FGF7: variants seen among roughly 807,000 people sequenced by gnomAD.
FGF7 encodes FGF-7.
In FGF7, 6 loss-of-function variants were observed where a neutral mutation model predicts 20.5. The ratio of observed to expected loss-of-function variants is 0.29; its 90% CI spans 0.16 to 0.58. The LOEUF (loss-of-function observed/expected upper bound fraction) is 0.58. Ranked by LOEUF, FGF7 falls within the 20% of genes least tolerant of loss-of-function variation. FGF7 has a pLI of 0.90. For synonymous variants in FGF7, 64 were observed against 74.7 expected, an observed-to-expected ratio of 0.86 and a Z score of 0.74; for missense variants, 144 against 228.8, an observed-to-expected ratio of 0.63 and a Z score of 2.39.
intron 2 of FGF7, among the ~76,000 whole-genome samples, chr15:49,435,542 T>G (rs574398603): frequency 6.6e-6 from 1 of 151,568 alleles, no homozygotes; most frequent in Non-Finnish European, 1.5e-5. Context: ...TCCCTTCTTG[T>G]ATAAATAATG....
chr15:49,483,039 T>C lies in FGF7; in HGVS notation c.287-112T>C, dbSNP rs1257392477. On this transcript the variant is annotated intron_variant, in intron 2 of 3. Transcript: ENST00000267843. Reference sequence around the variant, plus strand: ...GTCTTGGGCTGAGTAAATAATCACATTAAAAATTTTAAAAACTTCCGATTA... The same window carrying C: ...GTCTTGGGCTGAGTAAATAATCACACTAAAAATTTTAAAAACTTCCGATTA... The C allele has an allele frequency of 5.6e-5, 40 of 713,788 alleles. 2 individuals carry two copies. The highest frequency in any genetic ancestry group is 4.7e-4 in the South Asian group (32 of 67,390). 44.2% of individuals were successfully genotyped at this position (713,788 alleles called of 1,614,324 possible).
In FGF7 at chr15:49,484,856, C is replaced by T. The variant is rs35686890; in HGVS notation, c.*352C>T. On this transcript the variant is annotated 3_prime_UTR_variant, in exon 4 of 4. Transcript: ENST00000267843. ...ATCTGATAATGATTATTTAAATATT[C>T]CTATCTGCTTATAAAATGGCTGCTA... 0.11 allele frequency: 17,668 copies of T among 163,284 alleles called. 1,331 individuals carry two copies. The highest frequency in any genetic ancestry group is 0.36 in the East Asian group (2,060 of 5,800). 10.1% of individuals were successfully genotyped at this position (163,284 alleles called of 1,614,324 possible).
intron 2 of FGF7, among the ~76,000 whole-genome samples, chr15:49,460,098 C>T (rs72729104): frequency 1.2e-4 from 18 of 152,184 alleles, no homozygotes; most frequent in Non-Finnish European, 2.2e-4. Flanking sequence ...ACTGTGACAA[C>T]CTGTGCAAGG....
chr15:49,449,717 T>C (rs1011604192), intron 2 of FGF7, among the ~76,000 whole-genome samples: 6 of 152,082 alleles, frequency 3.9e-5, no homozygotes, highest in Non-Finnish European at 5.9e-5. Flanking sequence ...CTTTCGCTTC[T>C]ATACTTGTGC....
chr15:49,476,167 G>GACC (rs2055249417), intron 2 of FGF7, among the ~76,000 whole-genome samples: 1 of 147,360 alleles, frequency 6.8e-6, no homozygotes, highest in Non-Finnish European at 1.5e-5. Context: ...ATCCTCCGTT[G>GACC]ACCACTTGAC....
At chr15:49,478,278 T>C (rs1278531876) in intron 2 of FGF7, among the ~76,000 whole-genome samples, 2 of 152,222 alleles carry the variant, frequency 1.3e-5, no homozygotes, top group African/African-American at 2.4e-5. Flanking sequence ...CATATGCTTA[T>C]TTGCCCTTTG....
intron 2 of FGF7, among the ~76,000 whole-genome samples, chr15:49,464,952 TATTAAGGTGATAATAAAC>T (rs2054131426): frequency 6.6e-6 from 1 of 152,210 alleles, no homozygotes; most frequent in Non-Finnish European, 1.5e-5. Context: ...AATAAATGTT[TATTAAGGTGATAATAAAC>T]ACCTTAACTA....
intron 2 of FGF7, among the ~76,000 whole-genome samples, chr15:49,441,897 T>C (rs2051688318): frequency 6.6e-6 from 1 of 151,606 alleles, no homozygotes; most frequent in Non-Finnish European, 1.5e-5. Flanking sequence ...TCATTGTACT[T>C]ATGCATTTAT....
chr15:49,472,972 A>G (rs1238081531), intron 2 of FGF7, among the ~76,000 whole-genome samples: 1 of 152,190 alleles, frequency 6.6e-6, no homozygotes, highest in African/African-American at 2.4e-5. Context: ...CCAAATTATA[A>G]ACAGAATTAA....
intron 2 of FGF7, among the ~76,000 whole-genome samples, chr15:49,451,803 G>A (rs995163859): frequency 2.0e-5 from 3 of 152,030 alleles, no homozygotes; most frequent in Non-Finnish European, 2.9e-5. Context: ...TACTTATATA[G>A]CAATCAAGAG....
chr15:49,444,486 T>C (rs576213588), intron 2 of FGF7, among the ~76,000 whole-genome samples: 1 of 151,760 alleles, frequency 6.6e-6, no homozygotes, highest in African/African-American at 2.4e-5. Context: ...AGAAATAACA[T>C]TGAAATTATC....
chr15:49,445,365 T>C (rs959937142), intron 2 of FGF7, among the ~76,000 whole-genome samples: 2 of 151,660 alleles, frequency 1.3e-5, no homozygotes, highest in Admixed American at 6.6e-5. Context: ...AGTGAAAACA[T>C]GCAGTATTTG....
intron 2 of FGF7, among the ~76,000 whole-genome samples, chr15:49,457,334 G>A (rs968107835): frequency 4.6e-5 from 7 of 151,930 alleles, no homozygotes; most frequent in African/African-American, 1.7e-4. Context: ...TACCCTGTAG[G>A]TGGAATCCAT....
chr15:49,481,691 T>C (rs2055961276), intron 2 of FGF7, among the ~76,000 whole-genome samples: 1 of 152,214 alleles, frequency 6.6e-6, no homozygotes, highest in South Asian at 2.1e-4. Flanking sequence ...TTTTCTTAAT[T>C]TGTGTCCTAA....
At chr15:49,481,512 G>A (rs953685711) in intron 2 of FGF7, among the ~76,000 whole-genome samples, 1 of 152,168 alleles carries the variant, frequency 6.6e-6, no homozygotes, top group Non-Finnish European at 1.5e-5. Context: ...AAGATGTGTT[G>A]AACGTTACAT....
At position 49,486,542 on chromosome 15, in the gene FGF7, A is replaced by G. The variant is rs1428895264; in HGVS notation, c.*2038A>G. ...AATGTTTATAGACAAAAGAAAATAC[A>G]CACTAAAACTAATCTTCATTTTAAA... On this transcript the variant is annotated 3_prime_UTR_variant, in exon 4 of 4. Transcript: ENST00000267843. 1 of 152,170 alleles carries G rather than the reference A, an allele frequency of 6.6e-6. No homozygotes were observed. Among genetic ancestry groups the G allele is most frequent in the South Asian group, 2.1e-4 (1 of 4,830 alleles). The allele number at this position is 152,170 out of a possible 1,614,324, so 9.4% of individuals were successfully genotyped here.
rs1248211533 is a variant in FGF7 at position 49,424,383 on chromosome 15, C to A, written c.86C>A (p.Ser29Tyr). 1.2e-6 allele frequency: 2 copies of A among 1,613,642 alleles called. No homozygotes were observed. The highest frequency in any genetic ancestry group is 1.7e-6 in the Non-Finnish European group (2 of 1,179,688). ...FHIICLVGTI[S>Y]LACNDMTPEQ... Reference sequence around the variant, plus strand: ...ATTATCTGTCTAGTGGGTACTATATCTTTAGCTTGCAATGACATGACTCCA... The same window carrying A: ...ATTATCTGTCTAGTGGGTACTATATATTTAGCTTGCAATGACATGACTCCA... The change falls in exon 2 of 4, where the codon TCT becomes TAT. Residue 29 changes from serine to tyrosine, a missense_variant. Around this residue, in one of 2 missense-constraint regions of FGF7, gnomAD observed 88 missense variants for 103.4 expected, o/e 0.85. Coordinates refer to ENST00000267843, the MANE Select transcript of FGF7 (RefSeq NM_002009.4).
chr15:49,444,850 T>C (rs1461333875), intron 2 of FGF7, among the ~76,000 whole-genome samples: 1 of 151,762 alleles, frequency 6.6e-6, no homozygotes, highest in African/African-American at 2.4e-5. Flanking sequence ...AAAATAAATT[T>C]ACAACCTAAT....
At chr15:49,478,293 T>C (rs1231023728) in intron 2 of FGF7, among the ~76,000 whole-genome samples, 3 of 152,180 alleles carry the variant, frequency 2.0e-5, no homozygotes, top group African/African-American at 7.2e-5. Flanking sequence ...CCTTTGTGTA[T>C]CTTTAGTGAG....
Sources: allele counts gnomAD v4.1 joint callset (sites outside exome capture counted in the v4.1 genomes callset), GRCh38; gene constraint gnomAD v4.1.1; regional missense constraint gnomAD v4.1.1; transcripts MANE v1.5; gene names NCBI Gene and HGNC (gene_info 2026-07-23, HGNC 2026-07-21).